The following PTK2 variants were observed in gnomAD, a reference collection of about 807,000 sequenced individuals.
PTK2 encodes focal adhesion kinase 1.
Under a neutral mutation model 150.1 loss-of-function variants are expected in PTK2, and 45 were observed. The observed-to-expected ratio is 0.30, with a 90% CI of 0.24 to 0.38. PTK2 has a LOEUF of 0.38. PTK2 is among the 10% of genes least tolerant of loss of function. The pLI is 1.00. For missense variants in PTK2, 919 were observed against 1,307.3 expected, an observed-to-expected ratio of 0.70 and a Z score of 4.58; for synonymous variants, 432 against 449.2, an observed-to-expected ratio of 0.96 and a Z score of 0.48.
chr8:140,818,728 T>C, intron 9 of PTK2, 152 bp downstream of exon 9: 1 of 904,902 alleles, frequency 1.1e-6, no homozygotes, highest in Non-Finnish European at 1.6e-6. Flanking sequence ...ATTTTCTTTT[T>C]CTATTTTTCA....
At position 140,753,146 on chromosome 8, in the gene PTK2, C is replaced by T. The variant is rs577903021; in HGVS notation, c.1333-830G>A. ...AAGGTTAGAGACACAGGGAGTTCTG[C>T]GGGTGGCTACCACAGTACCCCAGGT... is the stretch of plus-strand genomic sequence containing the variant. On this transcript the variant is annotated intron_variant, in intron 16 of 31. Transcript: ENST00000522684. Among the ~76,000 whole-genome samples the T allele has an allele frequency of 5.3e-5, 8 of 152,086 alleles. No individual in the cohort carries two copies. In the South Asian group the frequency reaches 1.0e-3, roughly 20 times the overall value.
chr8:140,681,487 GTTGGCCGGGC>G (rs1423575524), intron 27 of PTK2, among the ~76,000 whole-genome samples: 1 of 149,804 alleles, frequency 6.7e-6, no homozygotes, highest in African/African-American at 2.5e-5. Context: ...GTAACAAGCA[GTTGGCCGGGC>G]GCGGTGGCTC....
At chr8:140,725,017 T>C (rs889209833) in intron 22 of PTK2, among the ~76,000 whole-genome samples, 3 of 152,274 alleles carry the variant, frequency 2.0e-5, no homozygotes, top group African/African-American at 7.2e-5. Flanking sequence ...ATTGAAATCA[T>C]ATTTCTCTCA....
chr8:140,713,487 T>C (rs1342217484), intron 23 of PTK2, among the ~76,000 whole-genome samples: 2 of 152,214 alleles, frequency 1.3e-5, no homozygotes, highest in Non-Finnish European at 2.9e-5. Context: ...GGTCTCGAAC[T>C]CCTGGCCTCA....
At chr8:140,809,095 A>G (rs2100099902) in intron 10 of PTK2, among the ~76,000 whole-genome samples, 1 of 152,170 alleles carries the variant, frequency 6.6e-6, no homozygotes, top group Admixed American at 6.5e-5. Flanking sequence ...ACATACCTAG[A>G]AAGGTAAGAC....
intron 14 of PTK2, among the ~76,000 whole-genome samples, chr8:140,767,506 G>A (rs2100073012): frequency 6.6e-6 from 1 of 151,484 alleles, no homozygotes; most frequent in African/African-American, 2.4e-5. Flanking sequence ...TTTTTTTGAA[G>A]ACAGGTTCTT....
intron 5 of PTK2, among the ~76,000 whole-genome samples, chr8:140,854,788 C>G (rs138751420): frequency 4.9e-4 from 74 of 152,218 alleles, no homozygotes; most frequent in African/African-American, 1.7e-3. Context: ...CGCTCAAACA[C>G]TCATCAGTGT....
At chr8:140,949,392 G>T (rs1430429523) in intron 1 of PTK2, among the ~76,000 whole-genome samples, 1 of 152,174 alleles carries the variant, frequency 6.6e-6, no homozygotes, top group Non-Finnish European at 1.5e-5. Context: ...TGAGTTGGCG[G>T]GGCAGGAGCC....
intron 2 of PTK2, among the ~76,000 whole-genome samples, chr8:140,898,237 C>A (rs1452546041): frequency 1.3e-5 from 2 of 152,204 alleles, no homozygotes; most frequent in Non-Finnish European, 2.9e-5. Context: ...TATCAAATTG[C>A]TGTAAGGTGT....
chr8:140,697,229 C>A (rs1161003318), intron 26 of PTK2, among the ~76,000 whole-genome samples: 3 of 146,300 alleles, frequency 2.1e-5, no homozygotes, highest in African/African-American at 5.0e-5. Flanking sequence ...ACCAGGCAAA[C>A]TATCTCAGAG....
chr8:140,913,933 G>A (rs1475668511), intron 2 of PTK2, among the ~76,000 whole-genome samples: 1 of 152,000 alleles, frequency 6.6e-6, no homozygotes, highest in Non-Finnish European at 1.5e-5. Flanking sequence ...ATAAGAACGT[G>A]GAAAATCAAC....
chr8:140,706,164 T>C (rs758958910), exon 24 of PTK2: 1 of 1,613,572 alleles, frequency 6.2e-7, no homozygotes, highest in African/African-American at 1.3e-5. Flanking sequence ...TGGGATAAAA[T>C]CCTTCGCTGG....
intron 10 of PTK2, among the ~76,000 whole-genome samples, chr8:140,808,296 A>G (rs536866714): frequency 6.6e-6 from 1 of 152,282 alleles, no homozygotes; most frequent in East Asian, 1.9e-4. Flanking sequence ...ATTCAGGAAC[A>G]TGAAGTTCAC....
intron 30 of PTK2, 134 bp from the exon 35 acceptor site, chr8:140,665,131 C>T: frequency 2.6e-6 from 2 of 759,910 alleles, no homozygotes; most frequent in South Asian, 1.9e-5. Context: ...AGTGCTTAGC[C>T]CTATCTTGTA....
At chr8:140,949,175 A>G (rs565272515) in intron 1 of PTK2, among the ~76,000 whole-genome samples, 185 of 152,240 alleles carry the variant, frequency 1.2e-3, no homozygotes, top group African/African-American at 4.3e-3. Context: ...GATCTTCTTA[A>G]TATTTTTTCT....
intron 5 of PTK2, among the ~76,000 whole-genome samples, chr8:140,854,697 T>C (rs1159309283): frequency 6.6e-6 from 1 of 152,154 alleles, no homozygotes; most frequent in Non-Finnish European, 1.5e-5. Flanking sequence ...CATTGAAATT[T>C]TCACATTGGT....
chr8:140,683,959 A>G (rs1316121735), intron 27 of PTK2, among the ~76,000 whole-genome samples: 2 of 152,228 alleles, frequency 1.3e-5, no homozygotes, highest in Admixed American at 6.5e-5. Flanking sequence ...CAAGACCAGG[A>G]TGCCCACTCT....
chr8:140,846,532 T>C, intron 6 of PTK2, 67 bp downstream of exon 6: 2 of 1,335,404 alleles, frequency 1.5e-6, no homozygotes, highest in Non-Finnish European at 2.1e-6. Flanking sequence ...GGAAAATACC[T>C]GGAAAATATT....
intron 24 of PTK2, 89 bp downstream of exon 27, chr8:140,706,030 A>G (rs1175000481): frequency 3.7e-6 from 4 of 1,071,730 alleles, no homozygotes; most frequent in African/African-American, 1.6e-5. Flanking sequence ...TCATAAGTAC[A>G]TAAATAAAAA....
Sources: gnomAD v4.1 joint callset for allele counts (sites outside exome capture counted in the v4.1 genomes callset) on GRCh38, gnomAD v4.1.1 for gene constraint, MANE v1.5 for transcripts, NCBI Gene and HGNC (gene_info 2026-07-23, HGNC 2026-07-21) for gene names.